The following FAM13C variants were observed in gnomAD, a reference collection of about 807,000 sequenced individuals.
FAM13C encodes family with sequence similarity 13 member C.
A neutral mutation model predicts 73.2 loss-of-function variants in FAM13C; 37 were observed. The observed-to-expected ratio is 0.51, with a 90% CI of 0.39 to 0.67. FAM13C has a LOEUF of 0.67. Among genes scored for constraint, FAM13C ranks in the 30% least tolerant of loss-of-function variants. FAM13C has a pLI of 0.00. For missense variants in FAM13C, 589 were observed against 715.6 expected (o/e 0.82, Z 2.02); for synonymous variants, 246 against 260.9 (o/e 0.94, Z 0.55).
chr10:59,265,381 C>T (rs922348624), intron 8 of FAM13C, among the ~76,000 whole-genome samples: 8 of 131,700 alleles, frequency 6.1e-5, no homozygotes, highest in Admixed American at 4.6e-4. Flanking sequence ...GCCATCAATC[C>T]CCAGCTCTCT....
intron 3 of FAM13C, among the ~76,000 whole-genome samples, chr10:59,335,360 T>A (rs1480610941): frequency 1.3e-5 from 2 of 152,188 alleles, no homozygotes; most frequent in African/African-American, 4.8e-5. Flanking sequence ...ACCCAAATAT[T>A]AATTTTAGCA....
intron 3 of FAM13C, among the ~76,000 whole-genome samples, chr10:59,336,785 C>A (rs945143322): frequency 3.9e-5 from 6 of 152,220 alleles, no homozygotes; most frequent in African/African-American, 1.4e-4. Context: ...TCAGTCTCCT[C>A]AGCTGTTAGA....
Position 59,247,510 on chromosome 10 carries a change from G to A in FAM13C, c.*104C>T. 3 of 1,417,766 alleles carry A rather than the reference G, an allele frequency of 2.1e-6. No individual in the cohort carries two copies. The highest frequency in any genetic ancestry group is 2.9e-6 in the Non-Finnish European group (3 of 1,018,506). The allele number at this position is 1,417,766 out of a possible 1,614,324, so 87.8% of individuals were successfully genotyped here. ...AAAAACAGCTAATACTACCACTAAA[G>A]TGCTTCCATTTTCATTGTGTCAAAA... On this transcript the variant is annotated 3_prime_UTR_variant, in exon 14 of 14. Coordinates refer to ENST00000618804, the MANE Select transcript of FAM13C (RefSeq NM_198215.4).
intron 3 of FAM13C, among the ~76,000 whole-genome samples, chr10:59,329,428 C>T (rs1438301909): frequency 1.5e-5 from 2 of 136,358 alleles, no homozygotes; most frequent in Non-Finnish European, 1.5e-5. Context: ...GATACGATCT[C>T]GACTCACTGC....
chr10:59,247,755 A>G lies in FAM13C; in HGVS notation c.1635-18T>C. The G allele has an allele frequency of 6.2e-7, 1 of 1,604,710 alleles. No homozygotes were observed. Among genetic ancestry groups the G allele is most frequent in the Non-Finnish European group, 8.5e-7 (1 of 1,175,078 alleles). ...GTGGACTTCTGCAAAACAAAAATAC[A>G]TTTGTTAGTTCACAATGAATCAAGT... On this transcript the variant is annotated intron_variant, in intron 13 of 13. Transcript: ENST00000618804.
At chr10:59,342,964 G>A (rs1853701400) in intron 3 of FAM13C, among the ~76,000 whole-genome samples, 1 of 152,200 alleles carries the variant, frequency 6.6e-6, no homozygotes, top group Non-Finnish European at 1.5e-5. Flanking sequence ...ATGTATGTGT[G>A]TGCAGAAACC....
At chr10:59,285,585 A>G (rs1845458069) in intron 5 of FAM13C, among the ~76,000 whole-genome samples, 1 of 152,234 alleles carries the variant, frequency 6.6e-6, no homozygotes, top group Admixed American at 6.5e-5. Context: ...CAGCAATTTC[A>G]TTGCTGCATA....
chr10:59,257,899 A>T (rs576480643), intron 10 of FAM13C, among the ~76,000 whole-genome samples: 1 of 152,336 alleles, frequency 6.6e-6, no homozygotes, highest in East Asian at 1.9e-4. Context: ...GTTTCCTAAT[A>T]TGCAGAATGA....
chr10:59,344,010 G>A (rs1337165808), intron 3 of FAM13C, among the ~76,000 whole-genome samples: 7 of 146,742 alleles, frequency 4.8e-5, no homozygotes, highest in African/African-American at 1.8e-4. Flanking sequence ...CGCCCAGGCT[G>A]GAGTGCAGTG....
At chr10:59,303,933 A>G (rs1847911472) in intron 4 of FAM13C, among the ~76,000 whole-genome samples, 16 of 152,080 alleles carry the variant, frequency 1.1e-4, no homozygotes, top group Admixed American at 9.8e-4. Flanking sequence ...GCAGGTCACT[A>G]GGTCAGGAGT....
At chr10:59,333,025 G>A (rs284646) in intron 3 of FAM13C, among the ~76,000 whole-genome samples, 61,394 of 151,562 alleles carry the variant, frequency 0.41, 12,613 homozygotes, top group East Asian at 0.48. Context: ...ATTGGTAAGA[G>A]ACAAGGTCTT....
At chr10:59,256,469 A>G (rs1328849165) in intron 10 of FAM13C, among the ~76,000 whole-genome samples, 1 of 152,240 alleles carries the variant, frequency 6.6e-6, no homozygotes, top group African/African-American at 2.4e-5. Context: ...CACAGATGCC[A>G]GACAAAAATT....
chr10:59,249,563 T>C (rs1471031258), intron 13 of FAM13C, among the ~76,000 whole-genome samples: 2 of 152,308 alleles, frequency 1.3e-5, no homozygotes, highest in Middle Eastern at 3.4e-3. Flanking sequence ...ATCTGCATGA[T>C]TCTCATGCCT....
chr10:59,264,215 A>C, intron 8 of FAM13C, 49 bp from the exon 9 acceptor site: 54 of 678,810 alleles, frequency 8.0e-5, no homozygotes, highest in Non-Finnish European at 1.1e-4. Flanking sequence ...AAGGAGGGAG[A>C]GGGTGGGGGA....
intron 10 of FAM13C, among the ~76,000 whole-genome samples, chr10:59,255,166 A>G (rs1205254437): frequency 6.6e-6 from 1 of 152,184 alleles, no homozygotes; most frequent in Non-Finnish European, 1.5e-5. Flanking sequence ...ACATGCTTGT[A>G]TTATATACTA....
chr10:59,251,505 A>T, intron 13 of FAM13C, 70 bp downstream of exon 13: 1 of 1,369,738 alleles, frequency 7.3e-7, no homozygotes, highest in Non-Finnish European at 1.0e-6. Flanking sequence ...CCTGCAAAAA[A>T]TTGCAGCTCA....
chr10:59,330,474 G>A (rs1163874450), intron 3 of FAM13C, among the ~76,000 whole-genome samples: 1 of 152,154 alleles, frequency 6.6e-6, no homozygotes, highest in Non-Finnish European at 1.5e-5. Flanking sequence ...AGGCATGCGA[G>A]TTTTCACTAG....
At chr10:59,324,198 G>T in intron 3 of FAM13C, 92 bp from the exon 4 acceptor site, 3 of 956,234 alleles carry the variant, frequency 3.1e-6, no homozygotes, top group Non-Finnish European at 3.2e-6. Context: ...GGGCAGGGAA[G>T]CAGCAATGCA....
At chr10:59,326,593 A>T (rs746054051) in intron 3 of FAM13C, among the ~76,000 whole-genome samples, 2 of 152,162 alleles carry the variant, frequency 1.3e-5, no homozygotes, top group Non-Finnish European at 2.9e-5. Context: ...CCTTCCAGAG[A>T]TCCTTATGAT....
Sources: gnomAD v4.1 joint callset for allele counts (sites outside exome capture counted in the v4.1 genomes callset) on GRCh38, gnomAD v4.1.1 for gene constraint, MANE v1.5 for transcripts, NCBI Gene and HGNC (gene_info 2026-07-23, HGNC 2026-07-21) for gene names.